Variants in TMEM232 observed in about 807,000 individuals in gnomAD.
The protein encoded by TMEM232 is transmembrane protein 232.
Under a neutral mutation model 78.8 loss-of-function variants are expected in TMEM232, and 80 were observed. The ratio of observed to expected loss-of-function variants is 1.01; its 90% CI spans 0.85 to 1.22. TMEM232 has a LOEUF of 1.22. Among genes scored for constraint, TMEM232 ranks in the 50% most tolerant of loss-of-function variants. TMEM232 has a pLI of 0.00. For synonymous variants in TMEM232, 297 were observed against 254.3 expected (o/e 1.17, Z -1.60); for missense variants, 881 against 742.2 (o/e 1.19, Z -2.17).
chr5:110,676,031 C>T (rs563917747), intron 1 of TMEM232, among the ~76,000 whole-genome samples: 20 of 152,242 alleles, frequency 1.3e-4, no homozygotes, highest in African/African-American at 4.6e-4. Context: ...TTTTTCTTTC[C>T]ATGTTGGGCT....
At chr5:110,605,392 G>A (rs2149828404) in intron 9 of TMEM232, 34 bp from the exon 10 acceptor site, 1 of 1,523,654 alleles carries the variant, frequency 6.6e-7, no homozygotes, top group Non-Finnish European at 8.8e-7. Flanking sequence ...GATCATCAAA[G>A]TATATCTTTG....
At chr5:110,620,614 TC>T (rs1336200654) in intron 7 of TMEM232, among the ~76,000 whole-genome samples, 1 of 136,986 alleles carries the variant, frequency 7.3e-6, no homozygotes, top group African/African-American at 3.0e-5. Flanking sequence ...TCTCTCTCTC[TC>T]TCTCTCTCTC....
At chr5:110,451,801 A>T (rs1298683444) in intron 12 of TMEM232, among the ~76,000 whole-genome samples, 1 of 152,102 alleles carries the variant, frequency 6.6e-6, no homozygotes, top group Admixed American at 6.6e-5. Flanking sequence ...AGTTATGAAC[A>T]TCACTTATTA....
At chr5:110,620,646 CCTCT>C (rs1414372099) in intron 7 of TMEM232, among the ~76,000 whole-genome samples, 2 of 99,300 alleles carry the variant, frequency 2.0e-5, no homozygotes, top group Admixed American at 1.1e-4. Context: ...TCTCCTCTCT[CCTCT>C]CTCTCTCTCC....
At chr5:110,471,644 C>G (rs1762694029) in intron 12 of TMEM232, among the ~76,000 whole-genome samples, 1 of 151,336 alleles carries the variant, frequency 6.6e-6, no homozygotes, top group South Asian at 2.1e-4. Context: ...CAAAAAAAAC[C>G]TGGCAGCCAA....
chr5:110,676,198 C>A (rs1308118246), intron 1 of TMEM232, among the ~76,000 whole-genome samples: 1 of 152,150 alleles, frequency 6.6e-6, no homozygotes, highest in Non-Finnish European at 1.5e-5. Flanking sequence ...AATTTTATAT[C>A]TTGGCTATTG....
intron 12 of TMEM232, among the ~76,000 whole-genome samples, chr5:110,527,831 A>C (rs1236161522): frequency 1.3e-5 from 2 of 152,024 alleles, no homozygotes; most frequent in African/African-American, 2.4e-5. Flanking sequence ...ACTAGAAAAA[A>C]TATAACAATA....
intron 2 of TMEM232, among the ~76,000 whole-genome samples, chr5:110,654,962 C>T (rs533716341): frequency 1.3e-5 from 2 of 152,216 alleles, no homozygotes; most frequent in East Asian, 3.9e-4. Flanking sequence ...TAGAAGAAAA[C>T]CTAGGCATTA....
At chr5:110,509,832 G>T (rs1346403680) in intron 12 of TMEM232, among the ~76,000 whole-genome samples, 3 of 152,120 alleles carry the variant, frequency 2.0e-5, no homozygotes, top group Non-Finnish European at 4.4e-5. Context: ...TGAATGGGTA[G>T]ATTTTAGGAA....
At chr5:110,657,711 T>C (rs1285162126) in intron 2 of TMEM232, among the ~76,000 whole-genome samples, 1 of 152,076 alleles carries the variant, frequency 6.6e-6, no homozygotes, top group Non-Finnish European at 1.5e-5. Context: ...AATAACAATG[T>C]ATTGAATATT....
At chr5:110,675,217 T>C (rs988700671) in intron 1 of TMEM232, among the ~76,000 whole-genome samples, 2 of 151,902 alleles carry the variant, frequency 1.3e-5, no homozygotes, top group Admixed American at 1.3e-4. Flanking sequence ...GCTAGTTTTT[T>C]TATTTTTAGT....
chr5:110,659,901 TAA>T (rs764720766), intron 2 of TMEM232, among the ~76,000 whole-genome samples: 1 of 151,822 alleles, frequency 6.6e-6, no homozygotes, highest in African/African-American at 2.4e-5. Context: ...AAATGGAGAA[TAA>T]AGAGTAAAAG....
intron 12 of TMEM232, among the ~76,000 whole-genome samples, chr5:110,511,894 C>T (rs1364062977): frequency 6.6e-6 from 1 of 152,102 alleles, no homozygotes; most frequent in Non-Finnish European, 1.5e-5. Flanking sequence ...ATGAGCCAGC[C>T]ATACCACTGG....
chr5:110,656,434 G>A (rs945268998), intron 2 of TMEM232, among the ~76,000 whole-genome samples: 3 of 152,054 alleles, frequency 2.0e-5, no homozygotes, highest in African/African-American at 7.2e-5. Context: ...TAGTTTGAAC[G>A]TGTGCCTGTT....
chr5:110,648,354 C>T (rs1456884092), intron 2 of TMEM232, among the ~76,000 whole-genome samples: 1 of 151,944 alleles, frequency 6.6e-6, no homozygotes, highest in Non-Finnish European at 1.5e-5. Flanking sequence ...TGTTTTCTAT[C>T]AAGATTCAAG....
At chr5:110,673,588 C>A (rs1337283148) in intron 1 of TMEM232, among the ~76,000 whole-genome samples, 2 of 152,098 alleles carry the variant, frequency 1.3e-5, no homozygotes, top group Non-Finnish European at 2.9e-5. Context: ...TGGCATGGAG[C>A]AATTCAATTC....
At chr5:110,402,859 C>A (rs1324814257) in intron 2 of TMEM232, among the ~76,000 whole-genome samples, 3 of 151,946 alleles carry the variant, frequency 2.0e-5, no homozygotes, top group Admixed American at 1.3e-4. Context: ...AGAGGTAATT[C>A]TTTAAAAGAA....
chr5:110,628,677 G>C (rs1046773440), intron 5 of TMEM232, among the ~76,000 whole-genome samples: 3 of 142,334 alleles, frequency 2.1e-5, no homozygotes, highest in Non-Finnish European at 3.0e-5. Flanking sequence ...GTGTGTGTGT[G>C]TGTGTGTGTG....
intron 11 of TMEM232, among the ~76,000 whole-genome samples, chr5:110,557,289 C>T (rs911077974): frequency 2.6e-5 from 4 of 152,040 alleles, no homozygotes; most frequent in Admixed American, 6.6e-5. Context: ...TACTGAATTC[C>T]TTAGATTTCT....
Sources: gnomAD v4.1 joint callset for allele counts (sites outside exome capture counted in the v4.1 genomes callset) on GRCh38, gnomAD v4.1.1 for gene constraint, MANE v1.5 for transcripts, NCBI Gene and HGNC (gene_info 2026-07-23, HGNC 2026-07-21) for gene names.